MAPK9: variants seen among roughly 807,000 people sequenced by gnomAD.
MAPK9 encodes mitogen-activated protein kinase 9.
A neutral mutation model predicts 57.1 loss-of-function variants in MAPK9; 30 were observed. That is an observed-to-expected ratio of 0.53 (90% CI 0.39 to 0.71). The LOEUF (loss-of-function observed/expected upper bound fraction) is 0.71, where lower values mean the gene tolerates loss of function less well. Among genes scored for constraint, MAPK9 ranks in the 30% least tolerant of loss-of-function variants. MAPK9 has a pLI of 0.00. For missense variants in MAPK9, 362 were observed against 521.0 expected (o/e 0.69, Z 2.97); for synonymous variants, 155 against 177.0 (o/e 0.88, Z 0.99).
intron 2 of MAPK9, among the ~76,000 whole-genome samples, chr5:180,275,939 T>C (rs1019340505): frequency 3.9e-5 from 6 of 152,368 alleles, no homozygotes; most frequent in Admixed American, 3.9e-4. Context: ...CTTCCACTTA[T>C]TACTGCCCTC....
chr5:180,290,443 A>T (rs1057307266), intron 1 of MAPK9, among the ~76,000 whole-genome samples: 3 of 152,114 alleles, frequency 2.0e-5, no homozygotes, highest in Non-Finnish European at 4.4e-5. Flanking sequence ...AAGTGTCTGC[A>T]TGCCTGCCTT....
At position 180,233,898 on chromosome 5, in the gene MAPK9, C is replaced by T. The variant is rs1411434165; in HGVS notation, c.*2486G>A. 6.6e-6 allele frequency: 1 copy of T among 152,242 alleles called. No individual in the cohort carries two copies. Among genetic ancestry groups the T allele is most frequent in the South Asian group, 2.1e-4 (1 of 4,830 alleles). The allele number at this position is 152,242 out of a possible 1,614,324, so 9.4% of individuals were successfully genotyped here. ...GGGCTTCCTCCTCTCAGTACTGGGG[C>T]TCTGCGTCTCACCTGCTCCCATCTC... On this transcript the variant is annotated 3_prime_UTR_variant, in exon 12 of 12. Coordinates refer to ENST00000452135, the MANE Select transcript of MAPK9 (RefSeq NM_002752.5).
chr5:180,247,085 C>T lies in MAPK9; in HGVS notation c.688+354G>A, dbSNP rs371658976. ...ATAGCATCTTTCCTAGTTAAATTAA[C>T]GGAATAAACTAAATAATACAGTATT... is the stretch of plus-strand genomic sequence containing the variant. On this transcript the variant is annotated intron_variant, in intron 7 of 11. Transcript: ENST00000452135. The surrounding 1 kb of genome is among the most constrained non-coding windows in gnomAD (Gnocchi z 4.5). 2.0e-3 allele frequency: 512 copies of T among 253,516 alleles called. 11 individuals carry two copies. Among genetic ancestry groups the T allele is most frequent in the Non-Finnish European group, 7.6e-4 (101 of 133,430 alleles). The allele number at this position is 253,516 out of a possible 1,614,324, so 15.7% of individuals were successfully genotyped here.
chr5:180,277,816 G>T (rs957570213), intron 2 of MAPK9, among the ~76,000 whole-genome samples: 1 of 152,112 alleles, frequency 6.6e-6, no homozygotes, highest in South Asian at 2.1e-4. Context: ...AAACGGGAAT[G>T]TGCCGTAACT....
rs934375669 is a variant in MAPK9 at position 180,235,012 on chromosome 5, C to A, written c.*1372G>T. 7 of 152,200 alleles carry A rather than the reference C, an allele frequency of 4.6e-5. No individual in the cohort carries two copies. Among genetic ancestry groups the A allele is most frequent in the African/African-American group, 1.7e-4 (7 of 41,436 alleles). 9.4% of individuals were successfully genotyped at this position (152,200 alleles called of 1,614,324 possible). The stretch of plus-strand genomic sequence containing the variant: ...GGGAAGAGACATGGGCACAGGCAGG[C>A]AAAACGTGATCACCACAGCTCCGTT... On this transcript the variant is annotated 3_prime_UTR_variant, in exon 12 of 12. Coordinates refer to ENST00000452135, the MANE Select transcript of MAPK9 (RefSeq NM_002752.5).
intron 3 of MAPK9, among the ~76,000 whole-genome samples, chr5:180,265,322 A>T (rs761926583): frequency 2.0e-5 from 3 of 152,140 alleles, no homozygotes; most frequent in Non-Finnish European, 4.4e-5. Context: ...CCCTGACATG[A>T]TTTGGCTGTG....
chr5:180,279,972 G>A, intron 2 of MAPK9: 1 of 456,764 alleles, frequency 2.2e-6, no homozygotes, highest in Non-Finnish European at 4.4e-6. Context: ...TTAATCCATG[G>A]AGTGACAATG....
rs1187428002 is a variant in MAPK9, at chr5:180,234,443, C to T, written c.*1941G>A. On this transcript the variant is annotated 3_prime_UTR_variant, in exon 12 of 12. Transcript: ENST00000452135. Reference sequence around the variant, plus strand: ...CCCTCCACACCGTCACGGGCTCCATCTGTGGCAAGTGGCTCGCTGAATGCA... The same window carrying T: ...CCCTCCACACCGTCACGGGCTCCATTTGTGGCAAGTGGCTCGCTGAATGCA... 6.6e-6 allele frequency: 1 copy of T among 152,232 alleles called. No individual in the cohort carries two copies. Among genetic ancestry groups the T allele is most frequent in the Non-Finnish European group, 1.5e-5 (1 of 68,046 alleles). The allele number at this position is 152,232 out of a possible 1,614,324, so 9.4% of individuals were successfully genotyped here.
chr5:180,272,489 A>AC (rs1290092841), intron 2 of MAPK9, among the ~76,000 whole-genome samples: 1 of 152,056 alleles, frequency 6.6e-6, no homozygotes, highest in Non-Finnish European at 1.5e-5. Flanking sequence ...AGCTTCTCAC[A>AC]CCCCCAACTA....
chr5:180,277,171 T>A (rs757170370), intron 2 of MAPK9, among the ~76,000 whole-genome samples: 1 of 152,244 alleles, frequency 6.6e-6, no homozygotes, highest in Non-Finnish European at 1.5e-5. Context: ...TGCTTGTGAA[T>A]TAGTTTCCTA....
chr5:180,254,902 C>A (rs928404724), intron 5 of MAPK9, among the ~76,000 whole-genome samples: 8 of 152,266 alleles, frequency 5.3e-5, no homozygotes, highest in African/African-American at 1.9e-4. Flanking sequence ...GGCGTGGTGG[C>A]GGACGCCTGC....
chr5:180,254,685 T>C (rs1467445005), intron 5 of MAPK9, among the ~76,000 whole-genome samples: 1 of 151,622 alleles, frequency 6.6e-6, no homozygotes, highest in Non-Finnish European at 1.5e-5. Flanking sequence ...AATAACTGAG[T>C]TTAAAAGTTT....
At chr5:180,240,319 CTATGGAAGG>C (rs1362217346) in intron 9 of MAPK9, among the ~76,000 whole-genome samples, 1 of 152,188 alleles carries the variant, frequency 6.6e-6, no homozygotes, top group Non-Finnish European at 1.5e-5. Context: ...GTGCTGGCAG[CTATGGAAGG>C]TACTGTTGTT....
intron 1 of MAPK9, among the ~76,000 whole-genome samples, chr5:180,282,967 A>G (rs1299063347): frequency 6.6e-6 from 1 of 152,138 alleles, no homozygotes; most frequent in Admixed American, 6.5e-5. Context: ...CTTGCTGGGT[A>G]GAGGGCGAGT....
intron 7 of MAPK9, among the ~76,000 whole-genome samples, chr5:180,244,778 G>GAAAAA (rs77077681): frequency 1.6e-5 from 2 of 127,380 alleles, no homozygotes; most frequent in Non-Finnish European, 3.2e-5. Flanking sequence ...TGTCTCAAAG[G>GAAAAA]AAAAAAAAAA....
intron 1 of MAPK9, among the ~76,000 whole-genome samples, chr5:180,282,060 G>A (rs1762360961): frequency 6.6e-6 from 1 of 152,186 alleles, no homozygotes; most frequent in Non-Finnish European, 1.5e-5. Flanking sequence ...AGGTCACTGT[G>A]CTCTAAGCTA....
chr5:180,272,125 T>C (rs17628029), intron 2 of MAPK9, among the ~76,000 whole-genome samples: 22,782 of 152,122 alleles, frequency 0.15, 2,121 homozygotes, highest in Middle Eastern at 0.21. Context: ...TCTTGCAGCT[T>C]CCTTAAGACC....
intron 2 of MAPK9, among the ~76,000 whole-genome samples, chr5:180,278,612 C>A (rs746440108): frequency 6.6e-6 from 1 of 152,068 alleles, no homozygotes; most frequent in Non-Finnish European, 1.5e-5. Flanking sequence ...GGCAGGAGAA[C>A]TGCTTGAACC....
chr5:180,278,936 C>T (rs1218769756), intron 2 of MAPK9, among the ~76,000 whole-genome samples: 2 of 151,730 alleles, frequency 1.3e-5, no homozygotes, highest in Admixed American at 1.3e-4. Flanking sequence ...TAATTTGAAC[C>T]ATCCTCCACT....
Sources: gnomAD v4.1 joint callset for allele counts (sites outside exome capture counted in the v4.1 genomes callset) on GRCh38, gnomAD v4.1.1 for gene constraint, Gnocchi (gnomAD v3.1) non-coding constraint, MANE v1.5 for transcripts, NCBI Gene and HGNC (gene_info 2026-07-23, HGNC 2026-07-21) for gene names.